INPP5F: variants seen among roughly 807,000 people sequenced by gnomAD.
INPP5F encodes the protein phosphatidylinositide 4-phosphatase SAC2.
A neutral mutation model predicts 137.2 loss-of-function variants in INPP5F; 97 were observed. That is an observed-to-expected ratio of 0.71 (90% CI 0.60 to 0.84). The LOEUF is 0.84. Among genes scored for constraint, INPP5F ranks in the 40% least tolerant of loss-of-function variants. The pLI is 0.00. For synonymous variants in INPP5F, 504 were observed against 476.9 expected (o/e 1.06, Z -0.74); for missense variants, 1,271 against 1,371.9 (o/e 0.93, Z 1.16).
intron 2 of INPP5F, among the ~76,000 whole-genome samples, chr10:119,772,984 G>A (rs1354132522): frequency 6.6e-6 from 1 of 152,010 alleles, no homozygotes; most frequent in Non-Finnish European, 1.5e-5. Flanking sequence ...TCATGACCTC[G>A]TGATCCGCTT....
chr10:119,804,494 A>T (rs1850698513), intron 10 of INPP5F, among the ~76,000 whole-genome samples, 197 bp downstream of exon 10: 1 of 152,148 alleles, frequency 6.6e-6, no homozygotes, highest in Non-Finnish European at 1.5e-5. Flanking sequence ...GTTGATTCCA[A>T]AATATTTACA....
chr10:119,768,028 T>A (rs755533581), intron 2 of INPP5F, among the ~76,000 whole-genome samples: 1 of 152,226 alleles, frequency 6.6e-6, no homozygotes, highest in East Asian at 1.9e-4. Context: ...TTTCCCCTTT[T>A]CAGATTATCT....
At chr10:119,770,218 T>C (rs1023987829) in intron 2 of INPP5F, among the ~76,000 whole-genome samples, 1 of 152,204 alleles carries the variant, frequency 6.6e-6, no homozygotes, top group Non-Finnish European at 1.5e-5. Context: ...TTTTCCCCCA[T>C]TGTAATATGT....
chr10:119,763,099 C>T (rs1314717714), intron 2 of INPP5F, among the ~76,000 whole-genome samples: 1 of 152,172 alleles, frequency 6.6e-6, no homozygotes, highest in Non-Finnish European at 1.5e-5. Flanking sequence ...TAGACATTTC[C>T]ATTTTCAAAA....
intron 9 of INPP5F, among the ~76,000 whole-genome samples, chr10:119,803,102 T>C (rs1850650090): frequency 6.6e-6 from 1 of 152,226 alleles, no homozygotes; most frequent in East Asian, 1.9e-4. Context: ...TTGGTTTTTA[T>C]GTTGCAGGTA....
intron 2 of INPP5F, among the ~76,000 whole-genome samples, chr10:119,771,866 ATATATATATATATATATTTTTTTTTTT>A (rs1433956813): frequency 0.15 from 2,518 of 16,558 alleles, 79 homozygotes; most frequent in Non-Finnish European, 0.21. Flanking sequence ...ATATATATAT[ATATATATATATATATATTTTTTTTTTT>A]TTTTTTTTTT....
intron 2 of INPP5F, among the ~76,000 whole-genome samples, chr10:119,755,154 G>T (rs1445673465): frequency 6.6e-6 from 1 of 152,218 alleles, no homozygotes; most frequent in Non-Finnish European, 1.5e-5. Flanking sequence ...TGTGGAATGA[G>T]CAAGTGCTCG....
rs1396133089 is a variant in INPP5F at position 119,726,349 on chromosome 10, G to C, written c.87G>C (p.Gln29His). Residue 29 changes from glutamine to histidine, a missense_variant, in exon 1 of 20, where the codon CAG becomes CAC. By Grantham distance (24) the Gln-to-His change is conservative. Coordinates refer to ENST00000650623, the MANE Select transcript of INPP5F (RefSeq NM_014937.4). Reference sequence around the variant, plus strand: ...GCAGCCGCCGCGACGGCGGCCTCCAGCTCCGACCCGGTGAGGCTGGCGGTG... The same window carrying C: ...GCAGCCGCCGCGACGGCGGCCTCCACCTCCGACCCGGTGAGGCTGGCGGTG... ...LWCSRRDGGL[Q>H]LRPATDLLLA... is the part of the protein sequence containing the mutation. 5 of 1,428,074 alleles carry C rather than the reference G, an allele frequency of 3.5e-6. No homozygotes were observed. The highest frequency in any genetic ancestry group is 4.6e-6 in the Non-Finnish European group (5 of 1,084,618). The allele number at this position is 1,428,074 out of a possible 1,614,324, so 88.5% of individuals were successfully genotyped here.
intron 3 of INPP5F, among the ~76,000 whole-genome samples, chr10:119,790,429 C>A (rs1589717621): frequency 6.6e-6 from 1 of 152,062 alleles, no homozygotes; most frequent in African/African-American, 2.4e-5. Context: ...TGGTGTGAAA[C>A]CTGTGTGGAC....
chr10:119,730,179 G>A (rs1424863720), intron 1 of INPP5F, among the ~76,000 whole-genome samples: 3 of 151,746 alleles, frequency 2.0e-5, no homozygotes, highest in Non-Finnish European at 2.9e-5. Flanking sequence ...GTGCGATCTC[G>A]GCTCACTGCA....
chr10:119,781,870 C>A, intron 3 of INPP5F, 99 bp downstream of exon 3: 2 of 948,486 alleles, frequency 2.1e-6, no homozygotes, highest in Non-Finnish European at 3.1e-6. Flanking sequence ...ATTTTTAGAG[C>A]TGGGTAATGT....
chr10:119,814,102 G>A (rs71482891), intron 15 of INPP5F, among the ~76,000 whole-genome samples: 7,206 of 151,950 alleles, frequency 0.047, 312 homozygotes, highest in South Asian at 0.26. Flanking sequence ...TTTAATTAAA[G>A]TTCCTAGGGC....
chr10:119,726,061 A>T lies in INPP5F; in HGVS notation c.-202A>T. ...GGAGGAGCGGGGGGGAGAGGCCTCT[A>T]CGGCCGCCGCTGCCGCCGCCGCTGC... On this transcript the variant is annotated 5_prime_UTR_variant, in exon 1 of 20. Transcript: ENST00000650623. The T allele has an allele frequency of 5.5e-6, 2 of 363,108 alleles. No homozygotes were observed. The highest frequency in any genetic ancestry group is 4.9e-6 in the Non-Finnish European group (1 of 204,372). The allele number at this position is 363,108 out of a possible 1,614,324, so 22.5% of individuals were successfully genotyped here.
chr10:119,821,447 C>T lies in INPP5F; in HGVS notation c.1958+530C>T, dbSNP rs145784203. On this transcript the variant is annotated intron_variant, in intron 16 of 19. Transcript: ENST00000650623. ...TGTCAGATTGATCTCCAGAAAGACT[C>T]TCAATGAACAGTGCTAGTAGCAAAA... is the stretch of plus-strand genomic sequence containing the variant. Among the ~76,000 whole-genome samples, 326 of 152,218 alleles carry T rather than the reference C, an allele frequency of 2.1e-3. 3 individuals carry two copies. The highest frequency in any genetic ancestry group is 0.011 in the South Asian group (52 of 4,828).
intron 2 of INPP5F, among the ~76,000 whole-genome samples, chr10:119,763,737 C>T (rs1325524667): frequency 1.3e-5 from 2 of 152,166 alleles, no homozygotes; most frequent in Non-Finnish European, 2.9e-5. Flanking sequence ...TTAAGTTCTA[C>T]TTCATTTTTG....
intron 6 of INPP5F, among the ~76,000 whole-genome samples, chr10:119,793,857 C>A (rs1404308411): frequency 6.6e-6 from 1 of 152,106 alleles, no homozygotes; most frequent in Non-Finnish European, 1.5e-5. Context: ...GTTGGCCAGG[C>A]TGGTCTCAGA....
intron 2 of INPP5F, among the ~76,000 whole-genome samples, chr10:119,774,378 G>T (rs965637964): frequency 6.6e-6 from 1 of 151,704 alleles, no homozygotes; most frequent in African/African-American, 2.4e-5. Flanking sequence ...TTGAACCTGT[G>T]CATCCAGGCT....
At chr10:119,749,200 C>G (rs1410494475) in intron 1 of INPP5F, among the ~76,000 whole-genome samples, 1 of 152,140 alleles carries the variant, frequency 6.6e-6, no homozygotes, top group Non-Finnish European at 1.5e-5. Context: ...TCCCGGGTAG[C>G]TGAGAGTACA....
rs778277404 is a variant in INPP5F, at chr10:119,823,772, A to G, written c.2162-43A>G. ...GGTTAGAACTGCTATTTTTTTTAGT[A>G]TGTTTATGGAGAAATTGGCAGGCAG... On this transcript the variant is annotated intron_variant, in intron 18 of 19. Coordinates refer to ENST00000650623, the MANE Select transcript of INPP5F (RefSeq NM_014937.4). The G allele has an allele frequency of 7.6e-6, 11 of 1,456,108 alleles. No individual in the cohort carries two copies. The Admixed American group carries it at 1.8e-4, about 24-fold the overall frequency. The allele number at this position is 1,456,108 out of a possible 1,614,324, so 90.2% of individuals were successfully genotyped here.
Sources: gnomAD v4.1 joint callset for allele counts (sites outside exome capture counted in the v4.1 genomes callset) on GRCh38, gnomAD v4.1.1 for gene constraint, MANE v1.5 for transcripts, NCBI Gene and HGNC (gene_info 2026-07-23, HGNC 2026-07-21) for gene names.